RGS7: variants seen among roughly 807,000 people sequenced by gnomAD.
The protein encoded by RGS7 is regulator of G protein signaling 7.
In RGS7, 27 loss-of-function variants were observed where a neutral mutation model predicts 81.1. The ratio of observed to expected loss-of-function variants is 0.33; its 90% confidence interval spans 0.25 to 0.46. The LOEUF (loss-of-function observed/expected upper bound fraction) is 0.46. RGS7 is among the 20% of genes least tolerant of loss of function. The pLI is 1.00. For synonymous variants in RGS7, 208 were observed against 207.7 expected, an observed-to-expected ratio of 1.00 and a Z score of -0.01; for missense variants, 396 against 607.4, an observed-to-expected ratio of 0.65 and a Z score of 3.66.
chr1:241,200,268 G>A (rs980802424), intron 2 of RGS7, among the ~76,000 whole-genome samples: 1 of 151,780 alleles, frequency 6.6e-6, no homozygotes, highest in Non-Finnish European at 1.5e-5. Context: ...TTCAAAAAGT[G>A]TTCCTTTTCT....
In RGS7 at chr1:240,868,846, G is replaced by T; in HGVS notation, c.457C>A (p.Leu153Met). ...GCAAATGCTCTCTGCAGCCTGGCCA[G>T]GCTCTCCTGAAAAACATACCCCAGG... ...LELADYEAES[L>M]ARLQRAFARK... The change falls in exon 8 of 19, where the codon CTG becomes ATG. Residue 153 changes from leucine (L) to methionine (M), a missense_variant. Transcript: ENST00000440928. This position sits in a 1 kb window ranked among gnomAD's most constrained non-coding sequence, Gnocchi z 5.1. 1 of 1,613,780 alleles carries T rather than the reference G, an allele frequency of 6.2e-7. No individual in the cohort carries two copies. Among genetic ancestry groups the T allele is most frequent in the East Asian group, 2.2e-5 (1 of 44,840 alleles).
chr1:241,052,406 A>T (rs1248600527), intron 3 of RGS7, among the ~76,000 whole-genome samples: 2 of 152,054 alleles, frequency 1.3e-5, no homozygotes, highest in Non-Finnish European at 2.9e-5. Flanking sequence ...TAGGGAAGGT[A>T]TTTCCAGTCA....
At chr1:240,835,791 G>A (rs1419529682) in intron 9 of RGS7, among the ~76,000 whole-genome samples, 2 of 152,098 alleles carry the variant, frequency 1.3e-5, no homozygotes, top group Non-Finnish European at 2.9e-5. Context: ...AAGACAAGGA[G>A]GAACCTTACG....
chr1:241,147,699 T>C (rs983440770), intron 2 of RGS7, among the ~76,000 whole-genome samples: 6 of 148,180 alleles, frequency 4.0e-5, no homozygotes, highest in Admixed American at 6.8e-5. Flanking sequence ...TAAATCACTT[T>C]CAATCAATTC....
intron 2 of RGS7, among the ~76,000 whole-genome samples, chr1:241,213,190 T>G (rs773343063): frequency 6.6e-6 from 1 of 152,192 alleles, no homozygotes; most frequent in Non-Finnish European, 1.5e-5. Flanking sequence ...TTTACAAGCA[T>G]GTCCTTGGGT....
intron 14 of RGS7, among the ~76,000 whole-genome samples, chr1:240,811,042 A>C (rs1258978910): frequency 6.6e-6 from 1 of 152,210 alleles, no homozygotes; most frequent in African/African-American, 2.4e-5. Flanking sequence ...CCTACCTGTT[A>C]AATCTCCTGA....
In RGS7 at chr1:241,261,191, G is replaced by A. The variant is rs529399976; in HGVS notation, c.78+94508C>T. ...TTGCTGTTCTCACAGATTAGGACAG[G>A]CACTGGGGAAGAGGGCCCTGCTGGT... On this transcript the variant is annotated intron_variant, in intron 2 of 18. Coordinates refer to ENST00000440928, the MANE Select transcript of RGS7 (RefSeq NM_001364886.1). 3.3e-5 allele frequency among the ~76,000 whole-genome samples: 5 copies of A among 152,210 alleles called. No homozygotes were observed. In the East Asian group the frequency reaches 9.7e-4, roughly 29 times the overall value.
chr1:241,067,374 T>G (rs564519746), intron 3 of RGS7, among the ~76,000 whole-genome samples: 1 of 152,226 alleles, frequency 6.6e-6, no homozygotes, highest in East Asian at 1.9e-4. Flanking sequence ...TAGCTTGACA[T>G]GTAGTAGGCA....
intron 6 of RGS7, among the ~76,000 whole-genome samples, chr1:240,887,519 T>C (rs1667582402): frequency 6.6e-6 from 1 of 152,136 alleles, no homozygotes; most frequent in Admixed American, 6.5e-5. Context: ...TGAGAGTATA[T>C]AGTTTTATAT....
rs993902819 is a variant in RGS7, at chr1:240,865,413, G to T, written c.609+3174C>A. On this transcript the variant is annotated intron_variant, in intron 9 of 18. Coordinates refer to ENST00000440928, the MANE Select transcript of RGS7 (RefSeq NM_001364886.1). ...CAGATTAAGCCTCTGGACAGTTTGAGATACTCTCTGGTATTTTCCTACACG... is the reference window on the plus strand; with the variant it reads ...CAGATTAAGCCTCTGGACAGTTTGATATACTCTCTGGTATTTTCCTACACG... Among the ~76,000 whole-genome samples, 6 of 152,224 alleles carry T rather than the reference G, an allele frequency of 3.9e-5. No individual in the cohort carries two copies. The South Asian group carries it at 1.0e-3, about 26-fold the overall frequency.
In RGS7 at chr1:240,955,551, C is replaced by CAAAAA. The variant is rs369155474; in HGVS notation, c.227-18850_227-18846dup. On this transcript the variant is annotated intron_variant, in intron 4 of 18. Coordinates refer to ENST00000440928, the MANE Select transcript of RGS7 (RefSeq NM_001364886.1). ...TGGGCGGCAGAGCAAGACTCTGTCT[C>CAAAAA]AAAAAAAAAAAAAAAAAAAAAAAAA... 5.3e-4 allele frequency among the ~76,000 whole-genome samples: 74 copies of CAAAAA among 140,294 alleles called. 2 individuals carry two copies. The highest frequency in any genetic ancestry group is 1.8e-3 in the African/African-American group (66 of 36,824). The allele number at this position is 140,294 out of a possible 152,430, so 92.0% of individuals were successfully genotyped here. A position where few individuals can be genotyped will look rare whatever the true frequency, so the allele number is the denominator to read the frequency against.
At chr1:241,335,009 C>T (rs977731440) in intron 2 of RGS7, among the ~76,000 whole-genome samples, 1 of 152,206 alleles carries the variant, frequency 6.6e-6, no homozygotes, top group Non-Finnish European at 1.5e-5. Flanking sequence ...ATTTCCTGCA[C>T]ATTGATTATT....
intron 2 of RGS7, among the ~76,000 whole-genome samples, chr1:241,341,259 T>A (rs1424632937): frequency 6.6e-6 from 1 of 152,158 alleles, no homozygotes; most frequent in Non-Finnish European, 1.5e-5. Context: ...TGTCCAAGAT[T>A]ATCTTGAACA....
At chr1:240,880,484 A>G (rs1666185730) in intron 6 of RGS7, among the ~76,000 whole-genome samples, 1 of 152,200 alleles carries the variant, frequency 6.6e-6, no homozygotes, top group Non-Finnish European at 1.5e-5. Context: ...CCACTGCAGC[A>G]ATCCTTCAAG....
At chr1:241,146,077 T>C (rs2068290716) in intron 2 of RGS7, among the ~76,000 whole-genome samples, 1 of 151,728 alleles carries the variant, frequency 6.6e-6, no homozygotes, top group Non-Finnish European at 1.5e-5. Flanking sequence ...CTGTGGAGAG[T>C]GGGGGTGGCA....
At chr1:241,117,653 C>T (rs1052302824) in intron 2 of RGS7, among the ~76,000 whole-genome samples, 2 of 152,058 alleles carry the variant, frequency 1.3e-5, no homozygotes, top group African/African-American at 2.4e-5. Flanking sequence ...GTTTGCAGAG[C>T]GGTATCTGTG....
chr1:240,831,630 C>CTTTTTTTTTT (rs767275119), intron 9 of RGS7, among the ~76,000 whole-genome samples: 1 of 135,400 alleles, frequency 7.4e-6, no homozygotes. Context: ...TCCAGACATC[C>CTTTTTTTTTT]TTTTTTTTTT....
At chr1:240,895,436 C>CG (rs1223108879) in intron 6 of RGS7, among the ~76,000 whole-genome samples, 8 of 151,982 alleles carry the variant, frequency 5.3e-5, no homozygotes, top group Non-Finnish European at 1.2e-4. Context: ...TATCCCTCCC[C>CG]CCTCCTCCAC....
At chr1:241,046,926 A>G (rs1259637636) in intron 3 of RGS7, among the ~76,000 whole-genome samples, 1 of 152,006 alleles carries the variant, frequency 6.6e-6, no homozygotes, top group Non-Finnish European at 1.5e-5. Context: ...TAGATCCCCA[A>G]ATGAGCTCAT....
Sources: allele counts gnomAD v4.1 joint callset (sites outside exome capture counted in the v4.1 genomes callset), GRCh38; gene constraint gnomAD v4.1.1; non-coding constraint Gnocchi (gnomAD v3.1); transcripts MANE v1.5; gene names NCBI Gene and HGNC (gene_info 2026-07-23, HGNC 2026-07-21).